PBX1: variants seen among roughly 807,000 people sequenced by gnomAD.
PBX1 encodes pre-B-cell leukemia transcription factor 1.
A neutral mutation model predicts 53.4 loss-of-function variants in PBX1; 6 were observed. The ratio of observed to expected loss-of-function variants is 0.11; its 90% confidence interval spans 0.06 to 0.22. PBX1 has a LOEUF of 0.22. Among genes scored for constraint, PBX1 ranks in the 10% least tolerant of loss-of-function variants. The pLI is 1.00. For missense variants in PBX1, 251 were observed against 551.4 expected (o/e 0.46, Z 5.46); for synonymous variants, 204 against 212.3 (o/e 0.96, Z 0.34).
At chr1:164,586,079 G>A (rs1654933881) in intron 2 of PBX1, among the ~76,000 whole-genome samples, 1 of 152,192 alleles carries the variant, frequency 6.6e-6, no homozygotes, top group African/African-American at 2.4e-5. Flanking sequence ...GATAGGTGCT[G>A]TACTACACAC....
chr1:164,702,466 C>A (rs1300641298), intron 2 of PBX1, among the ~76,000 whole-genome samples: 2 of 152,138 alleles, frequency 1.3e-5, no homozygotes, highest in Admixed American at 6.5e-5. Context: ...CACATCAGAG[C>A]TTTCATATTG....
intron 2 of PBX1, among the ~76,000 whole-genome samples, chr1:164,703,984 G>T (rs1663280042): frequency 6.6e-6 from 1 of 152,256 alleles, no homozygotes; most frequent in Non-Finnish European, 1.5e-5. Context: ...GAAGGAGAAG[G>T]GAGGAGGTCC....
intron 2 of PBX1, 121 bp downstream of exon 2, chr1:164,563,432 C>G: frequency 1.9e-6 from 1 of 537,860 alleles, no homozygotes; most frequent in Admixed American, 3.4e-5. Flanking sequence ...GAAGGTTGAC[C>G]TCATATTCGA....
intron 8 of PBX1, among the ~76,000 whole-genome samples, chr1:164,823,929 T>C (rs1014871467): frequency 6.6e-6 from 1 of 152,120 alleles, no homozygotes; most frequent in South Asian, 2.1e-4. Context: ...TATAGTGAGA[T>C]GTATTTTTAG....
At chr1:164,773,318 G>A (rs759667195) in intron 2 of PBX1, among the ~76,000 whole-genome samples, 1 of 149,910 alleles carries the variant, frequency 6.7e-6, no homozygotes, top group East Asian at 2.0e-4. Context: ...CTGTCAGATC[G>A]TAACCTGATA....
chr1:164,870,265 C>A (rs1338745020), intron 2 of PBX1, among the ~76,000 whole-genome samples: 24 of 79,234 alleles, frequency 3.0e-4, no homozygotes, highest in African/African-American at 1.3e-3. Context: ...TTCCTTCCTT[C>A]CTTCTTTCTT....
In PBX1 at chr1:164,590,523, TTAA is replaced by T. The variant is rs1449848782; in HGVS notation, c.265+27214_265+27216del. 8.8e-6 allele frequency: 4 copies of T among 455,274 alleles called. No homozygotes were observed. The Admixed American group carries it at 9.4e-5, about 11-fold the overall frequency. The allele number at this position is 455,274 out of a possible 1,614,324, so 28.2% of individuals were successfully genotyped here. A position where few individuals can be genotyped will look rare whatever the true frequency, so the allele number is the denominator to read the frequency against. On this transcript the variant is annotated intron_variant, in intron 2 of 8. Coordinates refer to ENST00000420696, the MANE Select transcript of PBX1 (RefSeq NM_002585.4). Reference sequence around the variant, plus strand: ...TGAGAGGTGCCGTTTTTGGTGAGCCTTAATGAGGAGGACAACAGTGTGAAATCT... The same window carrying T: ...TGAGAGGTGCCGTTTTTGGTGAGCCTTGAGGAGGACAACAGTGTGAAATCT...
chr1:164,778,382 A>G (rs10753648), intron 2 of PBX1, among the ~76,000 whole-genome samples: 51,546 of 152,058 alleles, frequency 0.34, 10,277 homozygotes, highest in African/African-American at 0.55. Flanking sequence ...AGTGGCTCAC[A>G]CCTGTAATCC....
At chr1:164,685,308 A>G (rs2102007373) in intron 2 of PBX1, among the ~76,000 whole-genome samples, 1 of 152,248 alleles carries the variant, frequency 6.6e-6, no homozygotes, top group Middle Eastern at 3.4e-3. Flanking sequence ...ATCTCTTTGC[A>G]TTATTACAGT....
chr1:164,608,225 C>T (rs1656687342), intron 2 of PBX1, among the ~76,000 whole-genome samples: 1 of 152,150 alleles, frequency 6.6e-6, no homozygotes, highest in Non-Finnish European at 1.5e-5. Flanking sequence ...CCAGCATGTG[C>T]CAAGTACTGT....
chr1:164,722,104 A>G (rs114831526), intron 2 of PBX1, among the ~76,000 whole-genome samples: 2 of 152,146 alleles, frequency 1.3e-5, no homozygotes, highest in African/African-American at 4.8e-5. Flanking sequence ...CTGTCTGTCT[A>G]TGCCTGGCTG....
intron 2 of PBX1, among the ~76,000 whole-genome samples, chr1:164,702,593 G>C (rs188843513): frequency 6.6e-6 from 1 of 152,124 alleles, no homozygotes; most frequent in Non-Finnish European, 1.5e-5. Context: ...AGGGTGTCAC[G>C]CATGTGCTTG....
At chr1:164,629,879 A>T (rs1471542819) in intron 2 of PBX1, among the ~76,000 whole-genome samples, 1 of 152,194 alleles carries the variant, frequency 6.6e-6, no homozygotes, top group African/African-American at 2.4e-5. Flanking sequence ...CTGTTCTCTT[A>T]ACCACATTTG....
At chr1:164,774,914 G>C (rs1484904940) in intron 2 of PBX1, among the ~76,000 whole-genome samples, 4 of 152,222 alleles carry the variant, frequency 2.6e-5, no homozygotes, top group Non-Finnish European at 5.9e-5. Flanking sequence ...CTTCACGGCT[G>C]TAATTCAAGC....
At chr1:164,779,519 C>G (rs1667831568) in intron 2 of PBX1, among the ~76,000 whole-genome samples, 1 of 152,158 alleles carries the variant, frequency 6.6e-6, no homozygotes, top group African/African-American at 2.4e-5. Flanking sequence ...CTGGCAGAGT[C>G]AAACAGAGTG....
rs928203512 is a variant in PBX1, at chr1:164,687,363, A to G, written c.266-105131A>G. Among the ~76,000 whole-genome samples the G allele has an allele frequency of 2.0e-5, 3 of 151,936 alleles. 1 individual carries two copies. The highest frequency in any genetic ancestry group is 7.3e-5 in the African/African-American group (3 of 41,336). On this transcript the variant is annotated intron_variant, in intron 2 of 8. Transcript: ENST00000420696. Reference sequence around the variant, plus strand: ...GATTGCTTGAGTCTAGGAGTTCAAGACCGGTCTGGGCAACATGGTGAAACC... The same window carrying G: ...GATTGCTTGAGTCTAGGAGTTCAAGGCCGGTCTGGGCAACATGGTGAAACC...
At chr1:164,638,939 A>G (rs188895920) in intron 2 of PBX1, among the ~76,000 whole-genome samples, 2 of 152,134 alleles carry the variant, frequency 1.3e-5, no homozygotes, top group Non-Finnish European at 2.9e-5. Context: ...GACTCCCCCT[A>G]CCCCTCCTGG....
rs1553246252 is a variant in PBX1 at position 164,786,718 on chromosome 1, T to TGCGC, written c.266-5775_266-5774insCGCG. 3.2e-3 allele frequency among the ~76,000 whole-genome samples: 322 copies of TGCGC among 100,076 alleles called. 3 individuals are homozygous for TGCGC. Among genetic ancestry groups the TGCGC allele is most frequent in the African/African-American group, 0.013 (309 of 23,302 alleles). The allele number at this position is 100,076 out of a possible 152,430, so 65.7% of individuals were successfully genotyped here. A position where few individuals can be genotyped will look rare whatever the true frequency, so the allele number is the denominator to read the frequency against. On this transcript the variant is annotated intron_variant, in intron 2 of 8. Coordinates refer to ENST00000420696, the MANE Select transcript of PBX1 (RefSeq NM_002585.4). Reference sequence around the variant, plus strand: ...GTGTGTGTGTGTGTGTGTGTGTGTGTGTGCGCGCGCACACACACACACGCA... The same window carrying TGCGC: ...GTGTGTGTGTGTGTGTGTGTGTGTGTGCGCGTGCGCGCGCACACACACACACGCA...
chr1:164,747,756 A>C (rs1192060978), intron 2 of PBX1, among the ~76,000 whole-genome samples: 2 of 152,112 alleles, frequency 1.3e-5, no homozygotes, highest in Admixed American at 1.3e-4. Flanking sequence ...CTAGGACTCA[A>C]CCTGAGATAC....
Sources: allele counts gnomAD v4.1 joint callset (sites outside exome capture counted in the v4.1 genomes callset), GRCh38; gene constraint gnomAD v4.1.1; transcripts MANE v1.5; gene names NCBI Gene and HGNC (gene_info 2026-07-23, HGNC 2026-07-21).